Variants in TENM2 observed in about 807,000 individuals in gnomAD.
The protein encoded by TENM2 is teneurin transmembrane protein 2, also known as teneurin-2.
Under a neutral mutation model 245.2 loss-of-function variants are expected in TENM2, and 52 were observed. That is an observed-to-expected ratio of 0.21 (90% CI 0.17 to 0.27). The LOEUF is 0.27. TENM2 is among the 10% of genes least tolerant of loss of function. The pLI is 1.00. For missense variants in TENM2, 3,046 were observed against 3,666.8 expected (o/e 0.83, Z 4.37); for synonymous variants, 1,363 against 1,438.9 (o/e 0.95, Z 1.19).
chr5:167,698,731 T>C (rs1189299733), intron 2 of TENM2, among the ~76,000 whole-genome samples: 2 of 144,628 alleles, frequency 1.4e-5, no homozygotes, highest in Non-Finnish European at 3.0e-5. Flanking sequence ...TTGCCCCGGC[T>C]AGAGTGCAGT....
At chr5:167,116,143 T>G in the TENM2 span, among the ~76,000 whole-genome samples, 2 of 152,088 alleles carry the variant, frequency 1.3e-5, no homozygotes, top group Admixed American at 6.5e-5. Context: ...TGCAAGAGAT[T>G]TATTGCGGGA....
intron 2 of TENM2, among the ~76,000 whole-genome samples, chr5:167,492,661 C>T (rs911803736): frequency 4.6e-5 from 7 of 151,896 alleles, no homozygotes; most frequent in Non-Finnish European, 7.4e-5. Context: ...TGTGCTATGC[C>T]TGGTGCCATG....
chr5:167,139,308 T>A, the TENM2 span, among the ~76,000 whole-genome samples: 1 of 152,238 alleles, frequency 6.6e-6, no homozygotes. Flanking sequence ...AAGAAGGCAA[T>A]GAGAATTAAA....
the TENM2 span, among the ~76,000 whole-genome samples, chr5:166,980,296 C>T: frequency 6.6e-6 from 1 of 152,130 alleles, no homozygotes; most frequent in Non-Finnish European, 1.5e-5. Flanking sequence ...GAGACACGTA[C>T]AGCAATATCT....
chr5:168,256,224 A>ATATATGTATATATATGTG (rs1767645753), intron 27 of TENM2, among the ~76,000 whole-genome samples: 1 of 151,592 alleles, frequency 6.6e-6, no homozygotes, highest in African/African-American at 2.4e-5. Context: ...GTCTATATGT[A>ATATATGTATATATATGTG]TATATATGTG....
chr5:167,110,771 C>T, the TENM2 span, among the ~76,000 whole-genome samples: 3 of 152,016 alleles, frequency 2.0e-5, no homozygotes, highest in Non-Finnish European at 4.4e-5. Context: ...TGTTTTATTT[C>T]CTTATAATCA....
At chr5:167,470,454 C>CTTGTTTTTTTTTTTT (rs1766940200) in intron 2 of TENM2, among the ~76,000 whole-genome samples, 1 of 47,394 alleles carries the variant, frequency 2.1e-5, no homozygotes, top group Non-Finnish European at 3.6e-5. Flanking sequence ...GCAATGCTTG[C>CTTGTTTTTTTTTTTT]TTTTTTTTTT....
the TENM2 span, among the ~76,000 whole-genome samples, chr5:167,222,247 C>G: frequency 6.6e-6 from 1 of 152,164 alleles, no homozygotes; most frequent in East Asian, 1.9e-4. Flanking sequence ...TCTGCCTTCA[C>G]ATATGCAATG....
chr5:167,285,070 A>G lies in TENM2; in HGVS notation c.226+7A>G. On this transcript the variant is annotated splice_region_variant and intron_variant, in intron 1 of 28. Coordinates refer to ENST00000518659, the Ensembl canonical transcript of TENM2. ...GATGAGTTTCCTAGACAAGGTTTGT[A>G]GGGTTTCCCCTGCTGATTTGCTCTC... is the stretch of plus-strand genomic sequence containing the variant. The G allele has an allele frequency of 6.5e-7, 1 of 1,548,274 alleles. No individual in the cohort carries two copies.
chr5:168,116,553 C>T (rs550603178), intron 9 of TENM2, among the ~76,000 whole-genome samples: 1 of 152,296 alleles, frequency 6.6e-6, no homozygotes, highest in East Asian at 1.9e-4. Context: ...CGCAACCCCC[C>T]ACCACTGGGA....
At chr5:167,847,932 A>G (rs1248521148) in intron 2 of TENM2, among the ~76,000 whole-genome samples, 1 of 152,156 alleles carries the variant, frequency 6.6e-6, no homozygotes, top group East Asian at 1.9e-4. Context: ...CCTAAGTGCA[A>G]CACTTTACAC....
At chr5:167,602,249 G>T (rs188726919) in intron 2 of TENM2, among the ~76,000 whole-genome samples, 1 of 151,970 alleles carries the variant, frequency 6.6e-6, no homozygotes, top group East Asian at 1.9e-4. Context: ...TCTATTTCTC[G>T]CCAAAGAAGG....
chr5:167,682,124 C>CCCTGCCTGCCTGCCTGCCTG (rs1169883905), intron 2 of TENM2, among the ~76,000 whole-genome samples: 28 of 119,956 alleles, frequency 2.3e-4, no homozygotes, highest in African/African-American at 9.1e-4. Context: ...CTCCCTCCCT[C>CCCTGCCTGCCTGCCTGCCTG]CCTGCCTGCC....
At chr5:167,401,591 T>A (rs1762369473) in intron 2 of TENM2, among the ~76,000 whole-genome samples, 1 of 152,180 alleles carries the variant, frequency 6.6e-6, no homozygotes, top group African/African-American at 2.4e-5. Flanking sequence ...CCGTGAATTT[T>A]AATCAAAGCC....
intron 9 of TENM2, among the ~76,000 whole-genome samples, chr5:168,111,645 C>T (rs2337120): frequency 0.57 from 87,328 of 151,888 alleles, 25,670 homozygotes; most frequent in African/African-American, 0.69. Context: ...TGCTTGGGCA[C>T]GGTGAGCCAG....
chr5:167,772,046 T>G (rs1763437914), intron 2 of TENM2, among the ~76,000 whole-genome samples: 1 of 152,188 alleles, frequency 6.6e-6, no homozygotes. Context: ...CTTCCTTTTC[T>G]TCTGTGAAAG....
chr5:167,254,503 C>G, the TENM2 span, among the ~76,000 whole-genome samples: 7 of 152,100 alleles, frequency 4.6e-5, no homozygotes, highest in Non-Finnish European at 8.8e-5. Flanking sequence ...AGCCAATGAA[C>G]CAGCCCTTCT....
intron 2 of TENM2, among the ~76,000 whole-genome samples, chr5:167,595,654 C>A (rs1035043694): frequency 6.6e-5 from 10 of 152,168 alleles, no homozygotes; most frequent in African/African-American, 2.4e-4. Context: ...ATTCCTTTAG[C>A]AATTTCAGAC....
the TENM2 span, among the ~76,000 whole-genome samples, chr5:167,048,793 A>G: frequency 2.0e-5 from 3 of 152,220 alleles, no homozygotes; most frequent in African/African-American, 7.2e-5. Context: ...AAAATTTAAA[A>G]TAAATCCTCC....
Sources: gnomAD v4.1 joint callset for allele counts (sites outside exome capture counted in the v4.1 genomes callset) on GRCh38, gnomAD v4.1.1 for gene constraint, MANE v1.5 for transcripts, NCBI Gene and HGNC (gene_info 2026-07-23, HGNC 2026-07-21) for gene names.